The following TPST1 variants were observed in gnomAD, a reference collection of about 807,000 sequenced individuals.
TPST1 encodes tyrosylprotein sulfotransferase 1, also known as protein-tyrosine sulfotransferase 1.
In TPST1, 20 loss-of-function variants were observed where a neutral mutation model predicts 34.8. The ratio of observed to expected loss-of-function variants is 0.57; its 90% CI spans 0.40 to 0.84. The LOEUF is 0.84. TPST1 is among the 40% of genes least tolerant of loss of function. The pLI is 0.00. For missense variants in TPST1, 353 were observed against 455.5 expected, an observed-to-expected ratio of 0.78 and a Z score of 2.05; for synonymous variants, 152 against 159.4, an observed-to-expected ratio of 0.95 and a Z score of 0.35.
At chr7:66,354,522 CAAAAAAAAAA>C (rs66521537) in intron 4 of TPST1, among the ~76,000 whole-genome samples, 10 of 60,792 alleles carry the variant, frequency 1.6e-4, no homozygotes, top group African/African-American at 3.2e-4. Context: ...GAGTCTGTCT[CAAAAAAAAAA>C]AAAAAAAAAA....
intron 2 of TPST1, among the ~76,000 whole-genome samples, chr7:66,249,339 C>T (rs1273847734): frequency 6.6e-6 from 1 of 151,872 alleles, no homozygotes; most frequent in Non-Finnish European, 1.5e-5. Flanking sequence ...AAAGAAAAGC[C>T]AAGCACATCA....
chr7:66,276,608 A>T, intron 2 of TPST1, among the ~76,000 whole-genome samples: 1 of 151,926 alleles, frequency 6.6e-6, no homozygotes, highest in Non-Finnish European at 1.5e-5. Context: ...TATTTCACTT[A>T]TAATTTCTTT....
intron 2 of TPST1, among the ~76,000 whole-genome samples, chr7:66,252,151 G>A (rs571561436): frequency 1.1e-3 from 162 of 145,004 alleles, no homozygotes; most frequent in African/African-American, 3.8e-3. Flanking sequence ...TCCGCCTCCC[G>A]GGTTCACGCC....
In TPST1 at chr7:66,296,676, G is replaced by GTTTTTTT. The variant is rs55888171; in HGVS notation, c.1044+9982_1044+9988dup. 1.4e-3 allele frequency among the ~76,000 whole-genome samples: 133 copies of GTTTTTTT among 92,088 alleles called. 3 individuals are homozygous for GTTTTTTT. Among genetic ancestry groups the GTTTTTTT allele is most frequent in the Non-Finnish European group, 2.0e-3 (102 of 49,942 alleles). 60.4% of individuals were successfully genotyped at this position (92,088 alleles called of 152,430 possible). On this transcript the variant is annotated intron_variant, in intron 3 of 5. Transcript: ENST00000304842. ...CTCTAAGCCTAAAAATACTGGGTTGGTTTTTTTTTTTTTTTTTTTTTGGTA... is the reference window on the plus strand; with the variant it reads ...CTCTAAGCCTAAAAATACTGGGTTGGTTTTTTTTTTTTTTTTTTTTTTTTTTTTGGTA...
chr7:66,226,513 C>T (rs1789658884), intron 1 of TPST1, among the ~76,000 whole-genome samples: 2 of 152,096 alleles, frequency 1.3e-5, no homozygotes, highest in South Asian at 4.1e-4. Flanking sequence ...GCTTCACAAG[C>T]GTAATGAAAA....
intron 3 of TPST1, among the ~76,000 whole-genome samples, chr7:66,316,333 T>G (rs1562841603): frequency 6.6e-6 from 1 of 152,238 alleles, no homozygotes; most frequent in African/African-American, 2.4e-5. Flanking sequence ...TTGTTGAAGC[T>G]TAATGATCTA....
At chr7:66,345,489 C>CAAAAAAAAAAAA (rs58837242) in intron 3 of TPST1, among the ~76,000 whole-genome samples, 3 of 64,848 alleles carry the variant, frequency 4.6e-5, no homozygotes, top group Non-Finnish European at 8.1e-5. Flanking sequence ...ACTCCATCTC[C>CAAAAAAAAAAAA]AAAAAAAAAA....
intron 3 of TPST1, among the ~76,000 whole-genome samples, chr7:66,328,906 A>ATATATATTT (rs1299138303): frequency 2.1e-3 from 27 of 13,148 alleles, no homozygotes; most frequent in African/African-American, 2.3e-3. Flanking sequence ...ATATATATAT[A>ATATATATTT]TTTTTTTTTT....
At chr7:66,299,694 A>G (rs1791275921) in intron 3 of TPST1, among the ~76,000 whole-genome samples, 1 of 152,026 alleles carries the variant, frequency 6.6e-6, no homozygotes, top group African/African-American at 2.4e-5. Flanking sequence ...TGACTTCTTC[A>G]TTTCAGATCA....
intron 2 of TPST1, among the ~76,000 whole-genome samples, chr7:66,253,318 G>C (rs1176808399): frequency 6.6e-6 from 1 of 151,926 alleles, no homozygotes; most frequent in Non-Finnish European, 1.5e-5. Flanking sequence ...GTACCAGCTA[G>C]GTTAAACATC....
intron 3 of TPST1, among the ~76,000 whole-genome samples, chr7:66,299,171 G>A (rs1791261409): frequency 2.0e-5 from 3 of 151,758 alleles, no homozygotes; most frequent in Admixed American, 6.6e-5. Context: ...TGCTTTGTGG[G>A]CCACAGTTGG....
intron 1 of TPST1, among the ~76,000 whole-genome samples, chr7:66,214,659 A>G (rs1402877189): frequency 6.6e-6 from 1 of 150,840 alleles, no homozygotes; most frequent in Admixed American, 6.6e-5. Context: ...CTATAAAAAA[A>G]TATGAAAATT....
At chr7:66,342,549 A>G (rs934271640) in intron 3 of TPST1, among the ~76,000 whole-genome samples, 2 of 152,208 alleles carry the variant, frequency 1.3e-5, no homozygotes, top group African/African-American at 4.8e-5. Context: ...GAGACTGGTA[A>G]TTTATAAAGA....
chr7:66,358,523 A>G (rs1792627753), intron 5 of TPST1, among the ~76,000 whole-genome samples: 1 of 152,124 alleles, frequency 6.6e-6, no homozygotes, highest in African/African-American at 2.4e-5. Flanking sequence ...GCAAGCTGGT[A>G]GTATTCCTGT....
intron 3 of TPST1, among the ~76,000 whole-genome samples, chr7:66,330,683 A>C (rs1216257910): frequency 6.6e-6 from 1 of 152,116 alleles, no homozygotes; most frequent in Admixed American, 6.5e-5. Flanking sequence ...CTAACAATCT[A>C]AAATCTACCA....
At chr7:66,280,290 A>C (rs943845297) in intron 2 of TPST1, among the ~76,000 whole-genome samples, 2 of 152,180 alleles carry the variant, frequency 1.3e-5, no homozygotes, top group African/African-American at 4.8e-5. Flanking sequence ...TCCTCTAAGC[A>C]TTGGAAGCGT....
At chr7:66,321,640 A>G (rs1791759484) in intron 3 of TPST1, among the ~76,000 whole-genome samples, 2 of 152,248 alleles carry the variant, frequency 1.3e-5, no homozygotes, top group East Asian at 3.8e-4. Context: ...CTGTAGGTAC[A>G]AATTTGAGAG....
intron 1 of TPST1, among the ~76,000 whole-genome samples, chr7:66,230,449 A>G (rs192294286): frequency 2.0e-5 from 3 of 152,276 alleles, no homozygotes; most frequent in East Asian, 1.9e-4. Flanking sequence ...TCCTTCTGAC[A>G]TTCGGCTGTG....
At chr7:66,278,725 G>C (rs967473773) in intron 2 of TPST1, among the ~76,000 whole-genome samples, 1 of 151,978 alleles carries the variant, frequency 6.6e-6, no homozygotes, top group Non-Finnish European at 1.5e-5. Flanking sequence ...GGAGCTTGCA[G>C]GGAGCCGAGA....
Sources: allele counts gnomAD v4.1 joint callset (sites outside exome capture counted in the v4.1 genomes callset), GRCh38; gene constraint gnomAD v4.1.1; transcripts MANE v1.5; gene names NCBI Gene and HGNC (gene_info 2026-07-23, HGNC 2026-07-21).